Variants in ZSCAN20 observed in about 807,000 individuals in gnomAD.
ZSCAN20 encodes the protein zinc finger and SCAN domain-containing protein 20.
ZSCAN20 carries 39 observed loss-of-function variants against 97.1 expected under a neutral mutation model. The observed-to-expected ratio is 0.40, with a 90% CI of 0.31 to 0.52. The LOEUF (loss-of-function observed/expected upper bound fraction) is 0.52, where lower values mean the gene tolerates loss of function less well. Among genes scored for constraint, ZSCAN20 ranks in the 20% least tolerant of loss-of-function variants. The probability of loss-of-function intolerance (pLI) is 0.49; values close to 1 mark genes in which losing one functional copy is unlikely to be tolerated. For missense variants in ZSCAN20, 1,115 were observed against 1,290.4 expected (o/e 0.86, Z 2.08); for synonymous variants, 456 against 467.3 (o/e 0.98, Z 0.31).
At chr1:33,477,328 C>G in intron 1 of ZSCAN20, among the ~76,000 whole-genome samples, 1 of 152,152 alleles carries the variant, frequency 6.6e-6, no homozygotes, top group Non-Finnish European at 1.5e-5. Flanking sequence ...TCAGTCCAGT[C>G]AGATTGCCCA....
chr1:33,475,490 C>T lies in ZSCAN20; in HGVS notation c.-111+2799C>T, dbSNP rs182179709. 3.9e-5 allele frequency among the ~76,000 whole-genome samples: 6 copies of T among 152,246 alleles called. 1 individual carries two copies. The highest frequency in any genetic ancestry group is 9.6e-5 in the African/African-American group (4 of 41,536). On this transcript the variant is annotated intron_variant, in intron 1 of 7. Coordinates refer to ENST00000684572, the MANE Select transcript of ZSCAN20 (RefSeq NM_001377376.1). ...GAATTCGCTTGTATTAGGGACTGTG[C>T]GGTATGAAAGACACTTTACTCACAC...
intron 1 of ZSCAN20, 71 bp from the exon 2 acceptor site, chr1:33,479,108 A>G (rs910433116): frequency 3.3e-6 from 2 of 613,254 alleles, no homozygotes; most frequent in South Asian, 5.5e-5. Context: ...GGCGGAAGAT[A>G]TGGGGGAAGG....
intron 5 of ZSCAN20, among the ~76,000 whole-genome samples, chr1:33,490,237 A>G (rs992797386): frequency 6.6e-6 from 1 of 152,194 alleles, no homozygotes. Flanking sequence ...CTTTTTACAC[A>G]TGATATCTGG....
At position 33,491,695 on chromosome 1, in the gene ZSCAN20, T is replaced by C; in HGVS notation, c.1437T>C (p.Ser479=). 1.3e-6 allele frequency: 2 copies of C among 1,587,624 alleles called. No homozygotes were observed. The highest frequency in any genetic ancestry group is 1.7e-6 in the Non-Finnish European group (2 of 1,169,488). ...RIAGAPALFQ[S]RIAGVHWGYE... ...CAGGGGCCCCAGCTCTGTTCCAGAG[T>C]CGTATTGGTAAGAACATGGGGGTTT... The change falls in exon 6 of 8, where the codon AGT becomes AGC. Residue 479 remains serine (S), a synonymous_variant. Coordinates refer to ENST00000684572, the MANE Select transcript of ZSCAN20 (RefSeq NM_001377376.1). The surrounding 1 kb of genome is among the most constrained non-coding windows in gnomAD (Gnocchi z 4.3).
intron 3 of ZSCAN20, 123 bp downstream of exon 3, chr1:33,488,774 G>GCCCACCACACTGCA: frequency 1.9e-6 from 2 of 1,077,938 alleles, no homozygotes; most frequent in Non-Finnish European, 2.7e-6. Context: ...GCTGCAGTGT[G>GCCCACCACACTGCA]GTGGGCACAC....
rs544669378 is a variant in ZSCAN20, at chr1:33,493,548, C to A, written c.1806C>A (p.Ala602=). 3.7e-5 allele frequency: 60 copies of A among 1,612,526 alleles called. No homozygotes were observed. In the South Asian group the frequency reaches 5.9e-4, roughly 16 times the overall value. Residue 602 remains alanine (A), a synonymous_variant, in exon 7 of 8, where the codon GCC becomes GCA. Transcript: ENST00000684572. The surrounding 1 kb of genome is among the most constrained non-coding windows in gnomAD (Gnocchi z 4.3). ...GTGCTGAGACTGATGCCCAGGAGGC[C>A]TGGGGTGAAGTGGCCAATGAAGATG... ...QSSAETDAQE[A]WGEVANEDAV... is the part of the protein sequence containing the mutation.
At position 33,488,658 on chromosome 1, in the gene ZSCAN20, A is replaced by G; in HGVS notation, c.604+7A>G. On this transcript the variant is annotated splice_region_variant and intron_variant, in intron 3 of 7. Coordinates refer to ENST00000684572, the MANE Select transcript of ZSCAN20 (RefSeq NM_001377376.1). ...CAGCCTTTGAAAGAGAGTGGTGAGT[A>G]CATCTGAGAACATTAGGGAATGAGG... The G allele has an allele frequency of 6.2e-7, 1 of 1,604,462 alleles. No homozygotes were observed. Among genetic ancestry groups the G allele is most frequent in the Non-Finnish European group, 8.5e-7 (1 of 1,177,728 alleles).
chr1:33,493,438 G>T lies in ZSCAN20; in HGVS notation c.1696G>T (p.Asp566Tyr). The T allele has an allele frequency of 6.2e-7, 1 of 1,614,194 alleles. No individual in the cohort carries two copies. Among genetic ancestry groups the T allele is most frequent in the Non-Finnish European group, 8.5e-7 (1 of 1,180,038 alleles). The change falls in exon 7 of 8, where the codon GAC becomes TAC. Residue 566 changes from aspartate to tyrosine, a missense_variant. Transcript: ENST00000684572. This position sits in a 1 kb window ranked among gnomAD's most constrained non-coding sequence, Gnocchi z 4.3. ...GACATGCCCTTTCTATGAGGAACTG[G>T]ACTCGCTGATGAGGGCTCGGGCTGC... ...PGTCPFYEEL[D>Y]SLMRARAAVR... is the part of the protein sequence containing the mutation.
chr1:33,477,008 T>G (rs1651962718), intron 1 of ZSCAN20, among the ~76,000 whole-genome samples: 1 of 152,230 alleles, frequency 6.6e-6, no homozygotes, highest in Non-Finnish European at 1.5e-5. Context: ...ATACTGATTC[T>G]AGTAATATAG....
At chr1:33,489,478 G>A in intron 4 of ZSCAN20, 40 bp from the exon 5 acceptor site, 2 of 1,603,276 alleles carry the variant, frequency 1.2e-6, no homozygotes, top group Middle Eastern at 1.7e-4. Context: ...GTTGTCAAAG[G>A]TCAGTGATGT....
rs1381109551 is a variant in ZSCAN20 at position 33,496,600 on chromosome 1, T to C, written c.*1124T>C. 2.0e-5 allele frequency: 3 copies of C among 152,218 alleles called. No individual in the cohort carries two copies. Among genetic ancestry groups the C allele is most frequent in the Admixed American group, 1.3e-4 (2 of 15,288 alleles). The allele number at this position is 152,218 out of a possible 1,614,324, so 9.4% of individuals were successfully genotyped here. The stretch of plus-strand genomic sequence containing the variant: ...TCTTTTTCTCAGGGGACAGTCCTAC[T>C]TCTTGCCATGCTTGGCTGATCATAG... On this transcript the variant is annotated 3_prime_UTR_variant, in exon 8 of 8. Transcript: ENST00000684572.
chr1:33,481,161 T>A (rs1652144141), intron 2 of ZSCAN20, among the ~76,000 whole-genome samples: 2 of 151,852 alleles, frequency 1.3e-5, no homozygotes, highest in African/African-American at 2.4e-5. Flanking sequence ...TATGAGAGAG[T>A]GTGCCTTATT....
At chr1:33,491,000 T>G in intron 5 of ZSCAN20, 25 bp from the exon 6 acceptor site, 2 of 1,568,900 alleles carry the variant, frequency 1.3e-6, no homozygotes, top group South Asian at 2.4e-5. Context: ...CCATTTCTAC[T>G]CTGTCATTTC....
Position 33,497,915 on chromosome 1 carries a change from A to G in ZSCAN20, c.*2439A>G, listed in dbSNP as rs1241494776. Among the ~76,000 whole-genome samples, 1 of 152,174 alleles carries G rather than the reference A, an allele frequency of 6.6e-6. No individual in the cohort carries two copies. Among genetic ancestry groups the G allele is most frequent in the Admixed American group, 6.5e-5 (1 of 15,284 alleles). Reference sequence around the variant, plus strand: ...GAACTTGAGGTGCTTAAGGGAAATCATGGTGATGCTATGCATTTGGATGTC... The same window carrying G: ...GAACTTGAGGTGCTTAAGGGAAATCGTGGTGATGCTATGCATTTGGATGTC... On this transcript the variant is annotated 3_prime_UTR_variant, in exon 8 of 8. Coordinates refer to ENST00000684572, the MANE Select transcript of ZSCAN20 (RefSeq NM_001377376.1).
intron 2 of ZSCAN20, 32 bp downstream of exon 2, chr1:33,479,737 T>C: frequency 8.8e-6 from 13 of 1,470,322 alleles, no homozygotes; most frequent in Non-Finnish European, 1.2e-5. Flanking sequence ...TGCAGAGGAG[T>C]GGGTCAGGCA....
chr1:33,491,788 G>T lies in ZSCAN20; in HGVS notation c.1444+86G>T, dbSNP rs1652629916. Reference sequence around the variant, plus strand: ...ATTCCCTGAGGTCAGGGCACAGGCTGCAAGTCTGGATTGAAGCCACTAGAG... The same window carrying T: ...ATTCCCTGAGGTCAGGGCACAGGCTTCAAGTCTGGATTGAAGCCACTAGAG... On this transcript the variant is annotated intron_variant, in intron 6 of 7. Transcript: ENST00000684572. The surrounding 1 kb of genome is among the most constrained non-coding windows in gnomAD (Gnocchi z 4.3). 7.2e-7 allele frequency: 1 copy of T among 1,388,886 alleles called. No individual in the cohort carries two copies. The allele number at this position is 1,388,886 out of a possible 1,614,324, so 86.0% of individuals were successfully genotyped here.
At chr1:33,475,393 AAACT>A (rs1294201086) in intron 1 of ZSCAN20, among the ~76,000 whole-genome samples, 2 of 152,378 alleles carry the variant, frequency 1.3e-5, no homozygotes, top group Admixed American at 1.3e-4. Context: ...GCCGTTTCAG[AAACT>A]AACACGCTGC....
intron 1 of ZSCAN20, among the ~76,000 whole-genome samples, chr1:33,476,609 C>T (rs990243024): frequency 1.3e-5 from 2 of 152,204 alleles, no homozygotes; most frequent in African/African-American, 4.8e-5. Flanking sequence ...AGATCTGTAG[C>T]TTCCAAACAG....
rs1213254168 is a variant in ZSCAN20 at position 33,500,810 on chromosome 1, A to G, written c.*5334A>G. 1.3e-5 allele frequency among the ~76,000 whole-genome samples: 2 copies of G among 151,926 alleles called. No individual in the cohort carries two copies. Among genetic ancestry groups the G allele is most frequent in the African/African-American group, 4.8e-5 (2 of 41,350 alleles). On this transcript the variant is annotated 3_prime_UTR_variant, in exon 8 of 8. Transcript: ENST00000684572. ...TGGAGCAGCATGACAGATGTATCTG[A>G]GCCCAAGCAGGAGAGGAGCCACAGG...
Sources: gnomAD v4.1 joint callset for allele counts (sites outside exome capture counted in the v4.1 genomes callset) on GRCh38, gnomAD v4.1.1 for gene constraint, Gnocchi (gnomAD v3.1) non-coding constraint, MANE v1.5 for transcripts, NCBI Gene and HGNC (gene_info 2026-07-23, HGNC 2026-07-21) for gene names.